ATP2B2: variants seen among roughly 807,000 people sequenced by gnomAD.
ATP2B2 encodes plasma membrane calcium-transporting ATPase 2.
Under a neutral mutation model 120.0 loss-of-function variants are expected in ATP2B2, and 15 were observed. That is an observed-to-expected ratio of 0.12 (90% confidence interval 0.08 to 0.19). The LOEUF (loss-of-function observed/expected upper bound fraction) is 0.19. ATP2B2 is among the 10% of genes least tolerant of loss of function. The probability of loss-of-function intolerance (pLI) is 1.00; values close to 1 mark genes in which losing one functional copy is unlikely to be tolerated. For missense variants in ATP2B2, 1,045 were observed against 1,719.8 expected (o/e 0.61, Z 6.94); for synonymous variants, 694 against 700.3 (o/e 0.99, Z 0.14).
chr3:10,386,380 C>T (rs1158439533), intron 7 of ATP2B2, 100 bp downstream of exon 7: 20 of 1,364,816 alleles, frequency 1.5e-5, no homozygotes, highest in Non-Finnish European at 2.0e-5. Context: ...GGCATGTGGC[C>T]TCCTCCAGCT....
chr3:10,462,855 C>CTGGGGTCTGAGCTGGCCTCCT (rs1386825073), intron 1 of ATP2B2, among the ~76,000 whole-genome samples: 2 of 152,148 alleles, frequency 1.3e-5, no homozygotes, highest in Non-Finnish European at 2.9e-5. Flanking sequence ...GCTGGCCTCT[C>CTGGGGTCTGAGCTGGCCTCCT]TGGGGTCTGA....
chr3:10,508,958 G>A (rs772908028), upstream of ATP2B2, among the ~76,000 whole-genome samples: 3 of 152,184 alleles, frequency 2.0e-5, no homozygotes, highest in African/African-American at 4.8e-5. Flanking sequence ...GGAGGGGGAC[G>A]GAAGGAGGAG....
At chr3:10,352,132 G>A (rs572003106) in intron 14 of ATP2B2, among the ~76,000 whole-genome samples, 5 of 152,120 alleles carry the variant, frequency 3.3e-5, no homozygotes, top group Admixed American at 2.6e-4. Flanking sequence ...TGACTATCTC[G>A]CCTGTATCCA....
chr3:10,636,212 C>T (rs927491205), intron 1 of ATP2B2, among the ~76,000 whole-genome samples: 7 of 152,180 alleles, frequency 4.6e-5, no homozygotes, highest in African/African-American at 1.4e-4. Flanking sequence ...AATGACATGC[C>T]GCTTCACTCA....
At chr3:10,537,720 A>G (rs568279784) in intron 2 of ATP2B2, among the ~76,000 whole-genome samples, 19 of 152,330 alleles carry the variant, frequency 1.2e-4, no homozygotes, top group Admixed American at 2.0e-4. Flanking sequence ...TGTTGAATAT[A>G]ATGATGAGAG....
chr3:10,408,125 G>A (rs560929693), intron 3 of ATP2B2, among the ~76,000 whole-genome samples: 2 of 152,292 alleles, frequency 1.3e-5, no homozygotes, highest in African/African-American at 4.8e-5. Context: ...GGGCCCTGTT[G>A]GGGATCTTTG....
At chr3:10,474,630 C>T (rs941149866) in intron 1 of ATP2B2, among the ~76,000 whole-genome samples, 1 of 152,266 alleles carries the variant, frequency 6.6e-6, no homozygotes, top group Non-Finnish European at 1.5e-5. Context: ...GACACACACG[C>T]CTGCCTGCTT....
intron 2 of ATP2B2, among the ~76,000 whole-genome samples, chr3:10,422,751 T>A (rs1251426699): frequency 3.3e-5 from 5 of 152,238 alleles, no homozygotes; most frequent in African/African-American, 1.2e-4. Flanking sequence ...CAATGTCCAT[T>A]CGCTTATGTG....
chr3:10,632,553 T>C (rs2069896544), intron 1 of ATP2B2, among the ~76,000 whole-genome samples: 2 of 152,214 alleles, frequency 1.3e-5, no homozygotes, highest in South Asian at 4.1e-4. Context: ...GGTGAAACGC[T>C]CTGAGACAAA....
At chr3:10,482,511 C>T (rs1191008835) in intron 1 of ATP2B2, among the ~76,000 whole-genome samples, 1 of 152,220 alleles carries the variant, frequency 6.6e-6, no homozygotes, top group Non-Finnish European at 1.5e-5. Flanking sequence ...CCTGGCCAGG[C>T]TGATGGTGAG....
At chr3:10,595,660 A>G (rs1412685384) in intron 2 of ATP2B2, among the ~76,000 whole-genome samples, 1 of 152,098 alleles carries the variant, frequency 6.6e-6, no homozygotes, top group Non-Finnish European at 1.5e-5. Context: ...TTGCGCTTCC[A>G]TTAAGCATAT....
intron 3 of ATP2B2, among the ~76,000 whole-genome samples, chr3:10,410,149 T>A (rs2062558574): frequency 6.6e-6 from 1 of 152,182 alleles, no homozygotes; most frequent in African/African-American, 2.4e-5. Context: ...CATCTTTTTT[T>A]TATATTTTTT....
intron 2 of ATP2B2, among the ~76,000 whole-genome samples, chr3:10,561,041 C>T (rs1310828554): frequency 6.6e-6 from 1 of 152,194 alleles, no homozygotes; most frequent in Non-Finnish European, 1.5e-5. Flanking sequence ...CCTTCCATCA[C>T]CCTCTAATCA....
intron 2 of ATP2B2, among the ~76,000 whole-genome samples, chr3:10,419,482 C>T (rs1236237294): frequency 6.6e-6 from 1 of 152,248 alleles, no homozygotes; most frequent in Admixed American, 6.5e-5. Context: ...GTCTGTGTTG[C>T]CGCTGTCTTA....
intron 1 of ATP2B2, among the ~76,000 whole-genome samples, chr3:10,491,224 A>AT (rs3077070): frequency 0.18 from 21,729 of 119,912 alleles, 2,109 homozygotes; most frequent in Non-Finnish European, 0.23. Flanking sequence ...CCTTCATTCC[A>AT]TTTTTTTTTT....
At chr3:10,338,436 C>G in intron 21 of ATP2B2, 78 bp from the exon 22 acceptor site, 1 of 1,480,698 alleles carries the variant, frequency 6.8e-7, no homozygotes, top group Non-Finnish European at 9.4e-7. Context: ...CGCTCCTCTA[C>G]CTCCCTCCTC....
At chr3:10,504,677 A>T (rs572244354) in intron 1 of ATP2B2, among the ~76,000 whole-genome samples, 1 of 152,148 alleles carries the variant, frequency 6.6e-6, no homozygotes, top group South Asian at 2.1e-4. Flanking sequence ...GGGAGTCCTG[A>T]GGCCCCCTGC....
chr3:10,558,636 A>G (rs185977101), intron 2 of ATP2B2, among the ~76,000 whole-genome samples: 65 of 152,302 alleles, frequency 4.3e-4, no homozygotes, highest in African/African-American at 1.4e-3. Context: ...ACTCAAGCCA[A>G]TAAGTGGAAT....
chr3:10,598,199 G>T (rs1285568952), intron 2 of ATP2B2, among the ~76,000 whole-genome samples: 1 of 152,216 alleles, frequency 6.6e-6, no homozygotes, highest in African/African-American at 2.4e-5. Context: ...TGAGGTAAAT[G>T]AAGCTTGCTG....
Sources: allele counts gnomAD v4.1 joint callset (sites outside exome capture counted in the v4.1 genomes callset), GRCh38; gene constraint gnomAD v4.1.1; transcripts MANE v1.5; gene names NCBI Gene and HGNC (gene_info 2026-07-23, HGNC 2026-07-21).